The following DCC variants were observed in gnomAD, a reference collection of about 807,000 sequenced individuals.
The protein encoded by DCC is DCC netrin 1 receptor, also known as netrin receptor DCC.
A neutral mutation model predicts 172.5 loss-of-function variants in DCC; 58 were observed. The observed-to-expected ratio is 0.34, with a 90% CI of 0.27 to 0.42. The LOEUF is 0.42. Among genes scored for constraint, DCC ranks in the 10% least tolerant of loss-of-function variants. The pLI is 1.00. For synonymous variants in DCC, 709 were observed against 644.5 expected (o/e 1.10, Z -1.52); for missense variants, 1,740 against 1,791.0 (o/e 0.97, Z 0.51).
intron 1 of DCC, among the ~76,000 whole-genome samples, chr18:52,593,136 A>G (rs1342533611): frequency 6.6e-6 from 1 of 151,862 alleles, no homozygotes; most frequent in East Asian, 1.9e-4. Context: ...ATCTTCTGGG[A>G]TTTTTTTTCT....
At chr18:53,481,449 T>C (rs956705059) in intron 25 of DCC, among the ~76,000 whole-genome samples, 10 of 152,184 alleles carry the variant, frequency 6.6e-5, no homozygotes, top group Non-Finnish European at 1.3e-4. Flanking sequence ...TACTTGTGAA[T>C]GTCATTCTGT....
intron 1 of DCC, among the ~76,000 whole-genome samples, chr18:52,566,925 G>T (rs758705576): frequency 6.6e-6 from 1 of 152,170 alleles, no homozygotes; most frequent in Non-Finnish European, 1.5e-5. Context: ...CAAGCTATAT[G>T]ATAAAACTTC....
chr18:53,215,404 T>G (rs1417795905), intron 11 of DCC, 144 bp from the exon 12 acceptor site: 1 of 721,172 alleles, frequency 1.4e-6, no homozygotes, highest in Non-Finnish European at 2.5e-6. Flanking sequence ...TCTCCAAAAA[T>G]TTTTGAAGTA....
At chr18:52,501,434 C>T (rs867860676) in intron 1 of DCC, among the ~76,000 whole-genome samples, 7 of 151,940 alleles carry the variant, frequency 4.6e-5, no homozygotes, top group Admixed American at 1.3e-4. Context: ...AATGCCTTTA[C>T]GTTGTCTCTC....
intron 2 of DCC, among the ~76,000 whole-genome samples, chr18:52,864,966 C>T (rs369636351): frequency 1.4e-4 from 22 of 151,986 alleles, no homozygotes; most frequent in Admixed American, 2.6e-4. Context: ...CCCAGGTTCA[C>T]GCCATTCTCC....
chr18:52,474,611 G>A (rs1417717366), intron 1 of DCC, among the ~76,000 whole-genome samples: 5 of 152,180 alleles, frequency 3.3e-5, no homozygotes, highest in Admixed American at 2.0e-4. Flanking sequence ...CCCTGCAACT[G>A]CAGGAGGCCA....
intron 2 of DCC, among the ~76,000 whole-genome samples, chr18:52,859,787 G>T (rs948079957): frequency 9.2e-5 from 14 of 152,038 alleles, no homozygotes; most frequent in African/African-American, 3.1e-4. Flanking sequence ...TATATTTTGG[G>T]GTAAATTATT....
chr18:53,255,650 T>TCA, intron 12 of DCC, among the ~76,000 whole-genome samples: 1 of 152,154 alleles, frequency 6.6e-6, no homozygotes, highest in Non-Finnish European at 1.5e-5. Context: ...GTCTTTGCTA[T>TCA]TGGGAATAGT....
chr18:53,196,461 A>C (rs1314723621), intron 9 of DCC, among the ~76,000 whole-genome samples: 2 of 152,218 alleles, frequency 1.3e-5, no homozygotes, highest in Non-Finnish European at 2.9e-5. Flanking sequence ...TCTTCCTGAA[A>C]GACCTTATCT....
intron 2 of DCC, among the ~76,000 whole-genome samples, chr18:52,783,848 T>C (rs2037602262): frequency 6.6e-6 from 1 of 152,044 alleles, no homozygotes; most frequent in Admixed American, 6.6e-5. Flanking sequence ...ATGGGGTACA[T>C]ATCATATTTT....
At chr18:52,578,033 A>G (rs1424335991) in intron 1 of DCC, among the ~76,000 whole-genome samples, 1 of 152,204 alleles carries the variant, frequency 6.6e-6, no homozygotes, top group East Asian at 1.9e-4. Context: ...CAAGGCAACG[A>G]GGATTATTCT....
At chr18:52,481,498 A>G (rs867732359) in intron 1 of DCC, among the ~76,000 whole-genome samples, 19 of 152,202 alleles carry the variant, frequency 1.2e-4, no homozygotes, top group Middle Eastern at 3.4e-3. Context: ...ATTTACTCTG[A>G]TTTTGAGGCA....
chr18:52,921,730 T>C (rs34560198), intron 3 of DCC, among the ~76,000 whole-genome samples: 59,156 of 148,122 alleles, frequency 0.4, 12,329 homozygotes, highest in Non-Finnish European at 0.47. Context: ...TAATAATATA[T>C]ATAAATGAAA....
intron 2 of DCC, among the ~76,000 whole-genome samples, chr18:52,812,471 A>G (rs557030518): frequency 5.3e-5 from 8 of 152,358 alleles, no homozygotes; most frequent in Middle Eastern, 3.4e-3. Context: ...CAAAGGATGC[A>G]TCAGAAAGGC....
At chr18:52,498,722 CA>C (rs1384056375) in intron 1 of DCC, among the ~76,000 whole-genome samples, 1 of 152,112 alleles carries the variant, frequency 6.6e-6, no homozygotes, top group Non-Finnish European at 1.5e-5. Flanking sequence ...GGTGCCAGCA[CA>C]GTCTGGTTCT....
At chr18:52,471,755 A>G (rs910159754) in intron 1 of DCC, among the ~76,000 whole-genome samples, 1 of 152,230 alleles carries the variant, frequency 6.6e-6, no homozygotes, top group Admixed American at 6.5e-5. Context: ...TAAGCCTTAC[A>G]GAGGCTTTTA....
chr18:52,889,965 T>C (rs2042745640), intron 2 of DCC, among the ~76,000 whole-genome samples: 1 of 152,106 alleles, frequency 6.6e-6, no homozygotes, highest in South Asian at 2.1e-4. Flanking sequence ...TGCAAGACAG[T>C]GTGAATATCC....
At chr18:53,202,705 A>G (rs1243909603) in intron 9 of DCC, among the ~76,000 whole-genome samples, 5 of 152,104 alleles carry the variant, frequency 3.3e-5, no homozygotes, top group Admixed American at 3.3e-4. Flanking sequence ...CTGCTTGGCC[A>G]AGTACTCAGT....
chr18:52,403,785 C>T (rs916345691), intron 1 of DCC, among the ~76,000 whole-genome samples: 1 of 152,026 alleles, frequency 6.6e-6, no homozygotes, highest in Non-Finnish European at 1.5e-5. Flanking sequence ...GCATATTTCA[C>T]ACTTGAGAAG....
Sources: gnomAD v4.1 joint callset for allele counts (sites outside exome capture counted in the v4.1 genomes callset) on GRCh38, gnomAD v4.1.1 for gene constraint, MANE v1.5 for transcripts, NCBI Gene and HGNC (gene_info 2026-07-23, HGNC 2026-07-21) for gene names.